Variants in ABCA5 observed in about 807,000 individuals in gnomAD.
ABCA5 encodes the protein cholesterol transporter ABCA5.
In ABCA5, 163 loss-of-function variants were observed where a neutral mutation model predicts 206.0. The observed-to-expected ratio is 0.79, with a 90% CI of 0.70 to 0.90. The LOEUF is 0.90. Among genes scored for constraint, ABCA5 ranks in the 40% least tolerant of loss-of-function variants. ABCA5 has a pLI of 0.00. For missense variants in ABCA5, 1,859 were observed against 1,912.9 expected, an observed-to-expected ratio of 0.97 and a Z score of 0.53; for synonymous variants, 609 against 613.8, an observed-to-expected ratio of 0.99 and a Z score of 0.11.
intron 6 of ABCA5, among the ~76,000 whole-genome samples, chr17:69,306,459 C>A (rs2075717965): frequency 6.6e-6 from 1 of 151,922 alleles, no homozygotes; most frequent in South Asian, 2.1e-4. Context: ...ACGGAGTGTG[C>A]CCATGATTCA....
rs1417775009 is a variant in ABCA5 at position 69,255,626 on chromosome 17, A to G, written c.3985T>C (p.Leu1329=). 1 of 1,579,390 alleles carries G rather than the reference A, an allele frequency of 6.3e-7. No individual in the cohort carries two copies. Among genetic ancestry groups the G allele is most frequent in the Non-Finnish European group, 8.5e-7 (1 of 1,170,414 alleles). ...GCACCATTTGGACCCAATAGTCCTA[A>G]GATCTCTCCTAAAGGAATTGAAAGA... ...ISFCVKKGEI[L]GLLGPNGAGK... The change falls in exon 31 of 39, where the codon TTA becomes CTA. Residue 1329 remains leucine (L), a synonymous_variant. Transcript: ENST00000392676.
Position 69,247,336 on chromosome 17 carries a change from G to A in ABCA5, c.*201C>T. 1 of 479,756 alleles carries A rather than the reference G, an allele frequency of 2.1e-6. No homozygotes were observed. The highest frequency in any genetic ancestry group is 3.7e-6 in the Non-Finnish European group (1 of 273,236). The allele number at this position is 479,756 out of a possible 1,614,324, so 29.7% of individuals were successfully genotyped here. On this transcript the variant is annotated 3_prime_UTR_variant, in exon 39 of 39. Coordinates refer to ENST00000392676, the MANE Select transcript of ABCA5 (RefSeq NM_172232.4). Reference sequence around the variant, plus strand: ...GTTCAATATACTTCAATACAAACATGCAGCTTCACTTAATTATACATACGT... The same window carrying A: ...GTTCAATATACTTCAATACAAACATACAGCTTCACTTAATTATACATACGT...
At chr17:69,315,818 T>G (rs968715577) in intron 1 of ABCA5, among the ~76,000 whole-genome samples, 1 of 148,700 alleles carries the variant, frequency 6.7e-6, no homozygotes, top group Non-Finnish European at 1.5e-5. Context: ...ACTAAGAAAA[T>G]AAAATCAAAG....
intron 19 of ABCA5, among the ~76,000 whole-genome samples, chr17:69,274,862 G>C (rs1463055855): frequency 3.4e-5 from 1 of 29,602 alleles, no homozygotes; most frequent in Non-Finnish European, 8.7e-5. Context: ...TTTTTTTTTT[G>C]AGATGGAGTC....
intron 10 of ABCA5, among the ~76,000 whole-genome samples, chr17:69,296,870 C>T (rs1234256570): frequency 2.0e-5 from 3 of 152,222 alleles, no homozygotes; most frequent in African/African-American, 7.2e-5. Flanking sequence ...GAGGTTGAGG[C>T]ACAAGAATTG....
chr17:69,280,923 C>T (rs2075385253), intron 18 of ABCA5, among the ~76,000 whole-genome samples: 1 of 151,812 alleles, frequency 6.6e-6, no homozygotes, highest in African/African-American at 2.4e-5. Flanking sequence ...GGGAGATATA[C>T]CTAATGCTAG....
intron 9 of ABCA5, among the ~76,000 whole-genome samples, chr17:69,297,781 T>A (rs935595484): frequency 1.3e-5 from 2 of 152,210 alleles, no homozygotes; most frequent in African/African-American, 4.8e-5. Flanking sequence ...CCATCTTAAA[T>A]GATCTTTGAA....
At position 69,246,965 on chromosome 17, in the gene ABCA5, G is replaced by A. The variant is rs1401144981; in HGVS notation, c.*572C>T. 6.6e-6 allele frequency: 1 copy of A among 151,890 alleles called. No homozygotes were observed. Among genetic ancestry groups the A allele is most frequent in the African/African-American group, 2.4e-5 (1 of 41,412 alleles). 9.4% of individuals were successfully genotyped at this position (151,890 alleles called of 1,614,324 possible). A position where few individuals can be genotyped will look rare whatever the true frequency, so the allele number is the denominator to read the frequency against. On this transcript the variant is annotated 3_prime_UTR_variant, in exon 39 of 39. Coordinates refer to ENST00000392676, the MANE Select transcript of ABCA5 (RefSeq NM_172232.4). ...AACAAGGGCTCATTTCACTTATTAT[G>A]ATCAATGACTGCCACCTAGTGGATA... is the stretch of plus-strand genomic sequence containing the variant.
At chr17:69,296,921 T>A (rs2075589474) in intron 10 of ABCA5, among the ~76,000 whole-genome samples, 1 of 152,294 alleles carries the variant, frequency 6.6e-6, no homozygotes, top group South Asian at 2.1e-4. Flanking sequence ...GCCGAGATTG[T>A]GCCACTGTGC....
At chr17:69,252,836 CAAAAA>C (rs34161698) in intron 34 of ABCA5, among the ~76,000 whole-genome samples, 5 of 97,022 alleles carry the variant, frequency 5.2e-5, no homozygotes, top group Non-Finnish European at 4.1e-5. Flanking sequence ...GACTCTGACT[CAAAAA>C]AAAAAAAAAA....
At position 69,289,870 on chromosome 17, in the gene ABCA5, T is replaced by C. The variant is rs201847285; in HGVS notation, c.1774A>G (p.Ile592Val). The change falls in exon 13 of 39, where the codon ATA becomes GTA. Residue 592 changes from isoleucine (I) to valine (V), a missense_variant. Transcript: ENST00000392676. ...SIKGIPANNI[I>V]QEVQKVLLDL... ...CTATATGAATAGCATACTTCTTGTATTATATTGTTGGCTGGTATCCCTTTG... is the reference window on the plus strand; with the variant it reads ...CTATATGAATAGCATACTTCTTGTACTATATTGTTGGCTGGTATCCCTTTG... The C allele has an allele frequency of 3.1e-6, 5 of 1,603,804 alleles. 1 individual carries two copies. In the South Asian group the frequency reaches 3.3e-5, roughly 11 times the overall value.
intron 20 of ABCA5, 23 bp downstream of exon 20, chr17:69,273,936 C>A: frequency 6.3e-7 from 1 of 1,582,644 alleles, no homozygotes; most frequent in South Asian, 1.2e-5. Context: ...AACACTCGTT[C>A]ACAGACCTTC....
In ABCA5 at chr17:69,246,861, A is replaced by C. The variant is rs953405122; in HGVS notation, c.*676T>G. On this transcript the variant is annotated 3_prime_UTR_variant, in exon 39 of 39. Transcript: ENST00000392676. The stretch of plus-strand genomic sequence containing the variant: ...AGTCTTCCTTTAATTATAATAACTA[A>C]AACCTTCTGAATTTTACTTTAAATT... 1 of 151,940 alleles carries C rather than the reference A, an allele frequency of 6.6e-6. No individual in the cohort carries two copies. Among genetic ancestry groups the C allele is most frequent in the African/African-American group, 2.4e-5 (1 of 41,428 alleles). 9.4% of individuals were successfully genotyped at this position (151,940 alleles called of 1,614,324 possible). A position where few individuals can be genotyped will look rare whatever the true frequency, so the allele number is the denominator to read the frequency against.
chr17:69,251,183 C>G (rs2075009230), intron 35 of ABCA5: 2 of 153,054 alleles, frequency 1.3e-5, no homozygotes, highest in African/African-American at 4.8e-5. Flanking sequence ...TACATGATAT[C>G]TGCACAACAT....
rs148650272 is a variant in ABCA5 at position 69,275,106 on chromosome 17, A to G, written c.2595-978T>C. On this transcript the variant is annotated intron_variant, in intron 19 of 38. Coordinates refer to ENST00000392676, the MANE Select transcript of ABCA5 (RefSeq NM_172232.4). ...TGATCCAGCTGCTGCAGCCTTCCAA[A>G]GTGCTGGGATTTCAGGTGTGAGCCA... Among the ~76,000 whole-genome samples, 1,007 of 152,178 alleles carry G rather than the reference A, an allele frequency of 6.6e-3. 15 individuals are homozygous for G. Among genetic ancestry groups the G allele is most frequent in the African/African-American group, 0.023 (938 of 41,530 alleles).
At position 69,250,482 on chromosome 17, in the gene ABCA5, G is replaced by A. The variant is rs559974558; in HGVS notation, c.4675C>T (p.Arg1559Cys). The change falls in exon 36 of 39, where the codon CGT becomes TGT. Residue 1559 changes from arginine (R) to cysteine (C), a missense_variant. Transcript: ENST00000392676. ...EIQYIFPNASRQESFSSILAY... is the reference protein window; with the variant it reads ...EIQYIFPNASCQESFSSILAY... ...TCTTTAAAATTTTACCTTTCCTGAC[G>A]GCTTGCATTTGGGAAAATATACTGA... 6.7e-5 allele frequency: 107 copies of A among 1,606,840 alleles called. No individual in the cohort carries two copies. The highest frequency in any genetic ancestry group is 3.1e-4 in the East Asian group (14 of 44,472).
chr17:69,314,304 T>C lies in ABCA5; in HGVS notation c.102+10A>G, dbSNP rs779139482. On this transcript the variant is annotated intron_variant, in intron 2 of 38. Coordinates refer to ENST00000392676, the MANE Select transcript of ABCA5 (RefSeq NM_172232.4). ...TGCAAAAAAGCATAAGAAAGAGTTA[T>C]TTAACTTACCTGAACACTACTCTTT... 13 of 1,581,114 alleles carry C rather than the reference T, an allele frequency of 8.2e-6. No homozygotes were observed. The highest frequency in any genetic ancestry group is 1.1e-5 in the Non-Finnish European group (13 of 1,153,998).
chr17:69,324,041 G>C (rs943999834), intron 1 of ABCA5, among the ~76,000 whole-genome samples: 6 of 152,132 alleles, frequency 3.9e-5, no homozygotes, highest in African/African-American at 1.4e-4. Context: ...TTGAGACAGA[G>C]ACCATACTGT....
chr17:69,316,760 C>A (rs541845613), intron 1 of ABCA5: 6 of 152,236 alleles, frequency 3.9e-5, no homozygotes, highest in African/African-American at 1.4e-4. Context: ...AACAAAAAAT[C>A]TTGAAAGCAG....
Sources: gnomAD v4.1 joint callset for allele counts (sites outside exome capture counted in the v4.1 genomes callset) on GRCh38, gnomAD v4.1.1 for gene constraint, MANE v1.5 for transcripts, NCBI Gene and HGNC (gene_info 2026-07-23, HGNC 2026-07-21) for gene names.